The following SUOX variants were observed in gnomAD, a reference collection of about 807,000 sequenced individuals.
SUOX encodes sulfite oxidase, mitochondrial.
SUOX carries 39 observed loss-of-function variants against 41.9 expected under a neutral mutation model. That is an observed-to-expected ratio of 0.93 (90% confidence interval 0.72 to 1.21). The LOEUF (loss-of-function observed/expected upper bound fraction) is 1.21, where lower values mean the gene tolerates loss of function less well. Ranked by LOEUF, SUOX falls within the 50% of genes most tolerant of loss-of-function variation. The pLI is 0.00. For synonymous variants in SUOX, 220 were observed against 268.4 expected, an observed-to-expected ratio of 0.82 and a Z score of 1.76; for missense variants, 633 against 689.5, an observed-to-expected ratio of 0.92 and a Z score of 0.92.
Position 56,002,218 on chromosome 12 carries a change from T to C in SUOX, c.-4T>C, listed in dbSNP as rs1317841305. On this transcript the variant is annotated 5_prime_UTR_variant, in exon 3 of 5. Coordinates refer to ENST00000266971, the MANE Select transcript of SUOX (RefSeq NM_001032386.2). ...CAGAATCTTCCTTCTACAGGTCTGC[T>C]ACAATGCTGCTGCTGCACAGAGCTG... The C allele has an allele frequency of 1.9e-6, 3 of 1,613,276 alleles. No homozygotes were observed. Among genetic ancestry groups the C allele is most frequent in the South Asian group, 1.1e-5 (1 of 91,086 alleles).
chr12:56,000,102 G>A (rs1214740683), intron 2 of SUOX, among the ~76,000 whole-genome samples: 1 of 152,200 alleles, frequency 6.6e-6, no homozygotes, highest in East Asian at 1.9e-4. Flanking sequence ...TCCCGCACTG[G>A]TGCTGCAGGT....
chr12:56,002,072 C>A, intron 2 of SUOX, 140 bp from the exon 3 acceptor site: 1 of 1,477,416 alleles, frequency 6.8e-7, no homozygotes, highest in Non-Finnish European at 9.1e-7. Context: ...CATTTGGACT[C>A]CCACTCTCAA....
In SUOX at chr12:56,005,103, C is replaced by T; in HGVS notation, c.*76C>T. ...CTTCAGAAAAATCTTTCCCACCTTTCAACTTCTTGGATCACAACTCTGGCC... is the reference window on the plus strand; with the variant it reads ...CTTCAGAAAAATCTTTCCCACCTTTTAACTTCTTGGATCACAACTCTGGCC... On this transcript the variant is annotated 3_prime_UTR_variant, in exon 5 of 5. Coordinates refer to ENST00000266971, the MANE Select transcript of SUOX (RefSeq NM_001032386.2). The T allele has an allele frequency of 6.5e-7, 1 of 1,542,656 alleles. No homozygotes were observed. The highest frequency in any genetic ancestry group is 8.9e-7 in the Non-Finnish European group (1 of 1,129,636).
intron 2 of SUOX, among the ~76,000 whole-genome samples, chr12:55,999,873 TAC>T (rs1890448590): frequency 6.6e-6 from 1 of 152,072 alleles, no homozygotes; most frequent in Non-Finnish European, 1.5e-5. Flanking sequence ...ATTAGCTAGA[TAC>T]AGAGTGTTGA....
Position 56,005,452 on chromosome 12 carries a change from G to A in SUOX, c.*425G>A, listed in dbSNP as rs1220684280. On this transcript the variant is annotated 3_prime_UTR_variant, in exon 5 of 5. Transcript: ENST00000266971. ...CCTCTCCAGGTTGCCAGAGAGTTGC[G>A]AGGAGAGCAAGGGGCACAACCGTCT... 6 of 471,692 alleles carry A rather than the reference G, an allele frequency of 1.3e-5. No individual in the cohort carries two copies. Among genetic ancestry groups the A allele is most frequent in the Admixed American group, 1.1e-4 (3 of 26,826 alleles). The allele number at this position is 471,692 out of a possible 1,614,324, so 29.2% of individuals were successfully genotyped here.
chr12:56,000,204 C>T (rs957569076), intron 2 of SUOX, among the ~76,000 whole-genome samples: 1 of 152,212 alleles, frequency 6.6e-6, no homozygotes, highest in African/African-American at 2.4e-5. Flanking sequence ...GGGGTCGGTG[C>T]TCCTCGGGGA....
In SUOX at chr12:56,004,847, G is replaced by A; in HGVS notation, c.1458G>A (p.Trp486Ter). Residue 486 changes from tryptophan (W) to a stop codon, truncating the protein, a stop_gained, in exon 5 of 5, where the codon TGG (tryptophan) becomes TGA (stop). Transcript: ENST00000266971. LOFTEE classifies it high-confidence loss of function. The surrounding 1 kb of genome is among the most constrained non-coding windows in gnomAD (Gnocchi z 4.5). Reference protein sequence around the residue: ...DGEEQRPRKAWAWRLWQLKAP... With the variant: ...DGEEQRPRKA Reference sequence around the variant, plus strand: ...AGGAACAGCGCCCCAGGAAGGCCTGGGCATGGCGTCTGTGGCAGTTGAAAG... The same window carrying A: ...AGGAACAGCGCCCCAGGAAGGCCTGAGCATGGCGTCTGTGGCAGTTGAAAG... The A allele has an allele frequency of 6.2e-7, 1 of 1,614,190 alleles. No homozygotes were observed. The highest frequency in any genetic ancestry group is 8.5e-7 in the Non-Finnish European group (1 of 1,180,030).
intron 2 of SUOX, among the ~76,000 whole-genome samples, chr12:55,999,845 T>C (rs919616115): frequency 6.6e-6 from 1 of 152,120 alleles, no homozygotes; most frequent in Non-Finnish European, 1.5e-5. Flanking sequence ...ACACAAAGGT[T>C]CTCCACATCC....
chr12:56,003,549 C>T (rs995511566), intron 4 of SUOX, 69 bp from the exon 5 acceptor site: 1 of 1,505,908 alleles, frequency 6.6e-7, no homozygotes, highest in Non-Finnish European at 9.2e-7. Context: ...TTGTGAGTCA[C>T]CACGCCCGAC....
Position 56,004,104 on chromosome 12 carries a change from G to A in SUOX, c.715G>A (p.Gly239Arg). The A allele has an allele frequency of 6.2e-7, 1 of 1,614,154 alleles. No homozygotes were observed. The highest frequency in any genetic ancestry group is 1.7e-5 in the Admixed American group (1 of 60,022). The change falls in exon 5 of 5, where the codon GGG (glycine) becomes AGG (arginine). Residue 239 changes from glycine (G) to arginine (R), a missense_variant. Physicochemically the swap from Gly to Arg is moderately radical, Grantham distance 125 (BLOSUM62 -2). Transcript: ENST00000266971. This position sits in a 1 kb window ranked among gnomAD's most constrained non-coding sequence, Gnocchi z 4.5. The part of the protein sequence containing the change: ...TYRLHVVGAP[G>R]GQSLSLSLDD... The stretch of plus-strand genomic sequence containing the variant: ...TCGCTTACACGTAGTAGGAGCACCT[G>A]GGGGTCAGTCACTGTCTCTTTCCCT...
At chr12:56,000,869 C>T (rs1288541679) in intron 2 of SUOX, among the ~76,000 whole-genome samples, 5 of 152,014 alleles carry the variant, frequency 3.3e-5, no homozygotes, top group African/African-American at 9.7e-5. Context: ...TCACTGCAAC[C>T]TCCGCCTCCT....
In SUOX at chr12:56,004,163, C is replaced by G; in HGVS notation, c.774C>G (p.Ile258Met). The change falls in exon 5 of 5, where the codon ATC becomes ATG. Residue 258 changes from isoleucine (I) to methionine (M), a missense_variant. By Grantham distance (10) the Ile-to-Met change is conservative. Transcript: ENST00000266971. The surrounding 1 kb of genome is among the most constrained non-coding windows in gnomAD (Gnocchi z 4.5). ...TGCACAACTTTCCCAGGTACGAGAT[C>G]ACAGTCACTCTGCAGTGTGCCGGCA... The part of the protein sequence containing the change: ...DDLHNFPRYE[I>M]TVTLQCAGNR... The G allele has an allele frequency of 1.2e-6, 2 of 1,614,174 alleles. No individual in the cohort carries two copies. Among genetic ancestry groups the G allele is most frequent in the Non-Finnish European group, 1.7e-6 (2 of 1,180,034 alleles).
intron 4 of SUOX, 51 bp downstream of exon 4, chr12:56,002,771 A>C: frequency 1.3e-5 from 21 of 1,606,734 alleles, no homozygotes; most frequent in Non-Finnish European, 1.7e-5. Context: ...GCAGTGGCTC[A>C]CGCCTGTTAT....
intron 2 of SUOX, among the ~76,000 whole-genome samples, chr12:55,998,968 A>G (rs1342075177): frequency 6.6e-6 from 1 of 151,038 alleles, no homozygotes; most frequent in Non-Finnish European, 1.5e-5. Flanking sequence ...AGGCACCACC[A>G]TGCCCAGTTA....
chr12:56,002,939 A>C, intron 4 of SUOX: 1 of 512,910 alleles, frequency 1.9e-6, no homozygotes, highest in Non-Finnish European at 3.5e-6. Context: ...AGACACAAGA[A>C]TCACTTAAAC....
Position 56,002,631 on chromosome 12 carries a change from G to A in SUOX, c.139G>A (p.Gly47Ser). Residue 47 changes from glycine to serine, a missense_variant, in exon 4 of 5, where the codon GGT (glycine) becomes AGT (serine). Gly to Ser is a moderately conservative substitution (Grantham distance 56). Coordinates refer to ENST00000266971, the MANE Select transcript of SUOX (RefSeq NM_001032386.2). ...QPQRPSLTFSGDNSSTQGWRV... is the reference protein window; with the variant it reads ...QPQRPSLTFSSDNSSTQGWRV... ...CCAGCGCCCCAGCCTCACCTTCTCT[G>A]GTGATAACTCCAGCACCCAGGGATG... 6.2e-7 allele frequency: 1 copy of A among 1,613,864 alleles called. No individual in the cohort carries two copies.
At chr12:56,000,057 C>T (rs1030247414) in intron 2 of SUOX, among the ~76,000 whole-genome samples, 1 of 152,198 alleles carries the variant, frequency 6.6e-6, no homozygotes, top group African/African-American at 2.4e-5. Flanking sequence ...ACCTCCCCAC[C>T]AGACTCAGGA....
intron 2 of SUOX, among the ~76,000 whole-genome samples, chr12:56,000,034 A>G (rs950015406): frequency 6.6e-6 from 1 of 152,160 alleles, no homozygotes; most frequent in African/African-American, 2.4e-5. Context: ...TGAGCTAGAC[A>G]TGAAGGTTCT....
At chr12:55,999,575 G>A (rs1002387437) in intron 2 of SUOX, 48 of 152,848 alleles carry the variant, frequency 3.1e-4, no homozygotes, top group Admixed American at 1.5e-3. Flanking sequence ...CAGGAGTGAA[G>A]CTGCAGACCT....
Sources: allele counts gnomAD v4.1 joint callset (sites outside exome capture counted in the v4.1 genomes callset), GRCh38; gene constraint gnomAD v4.1.1; non-coding constraint Gnocchi (gnomAD v3.1); transcripts MANE v1.5; gene names NCBI Gene and HGNC (gene_info 2026-07-23, HGNC 2026-07-21).